Variants in SUPT3H observed in about 807,000 individuals in gnomAD.
SUPT3H encodes the protein transcription initiation protein SPT3 homolog.
A neutral mutation model predicts 44.3 loss-of-function variants in SUPT3H; 44 were observed. The ratio of observed to expected loss-of-function variants is 0.99; its 90% CI spans 0.78 to 1.28. SUPT3H has a LOEUF of 1.28. Among genes scored for constraint, SUPT3H ranks in the 50% most tolerant of loss-of-function variants. The pLI is 0.00. For synonymous variants in SUPT3H, 124 were observed against 125.6 expected, an observed-to-expected ratio of 0.99 and a Z score of 0.09; for missense variants, 380 against 387.1, an observed-to-expected ratio of 0.98 and a Z score of 0.15.
intron 2 of SUPT3H, among the ~76,000 whole-genome samples, chr6:45,184,775 G>GAAAAAAAAAAA (rs55652227): frequency 7.8e-6 from 1 of 128,580 alleles, no homozygotes; most frequent in Non-Finnish European, 1.6e-5. Flanking sequence ...ACAGGCAGAG[G>GAAAAAAAAAAA]AAAAAAAAAA....
At chr6:44,938,525 G>T (rs944547679) in intron 9 of SUPT3H, among the ~76,000 whole-genome samples, 19 of 151,938 alleles carry the variant, frequency 1.3e-4, no homozygotes, top group African/African-American at 4.6e-4. Context: ...CAGCTTTGTT[G>T]TTTTTGCTTA....
At chr6:45,357,941 G>A (rs1467729189) in intron 2 of SUPT3H, among the ~76,000 whole-genome samples, 1 of 151,854 alleles carries the variant, frequency 6.6e-6, no homozygotes, top group African/African-American at 2.4e-5. Flanking sequence ...TTAAGAAACT[G>A]AACACATTTC....
chr6:44,903,413 A>G (rs1765440928), intron 10 of SUPT3H, among the ~76,000 whole-genome samples: 1 of 152,200 alleles, frequency 6.6e-6, no homozygotes, highest in African/African-American at 2.4e-5. Flanking sequence ...CTCTACGCAA[A>G]TAAACTAGAA....
intron 6 of SUPT3H, among the ~76,000 whole-genome samples, chr6:44,992,691 ATTTC>A (rs1172927105): frequency 1.8e-3 from 280 of 152,214 alleles, no homozygotes; most frequent in African/African-American, 6.6e-3. Flanking sequence ...AAACTTTTAA[ATTTC>A]ATCCAAAAAC....
intron 9 of SUPT3H, among the ~76,000 whole-genome samples, chr6:44,951,733 C>T (rs1027096028): frequency 6.6e-6 from 1 of 152,004 alleles, no homozygotes; most frequent in African/African-American, 2.4e-5. Flanking sequence ...CCCTGGAGAA[C>T]CAAGAAAAGA....
intron 2 of SUPT3H, among the ~76,000 whole-genome samples, chr6:45,120,903 G>T (rs1461889730): frequency 5.3e-5 from 8 of 151,982 alleles, no homozygotes; most frequent in Non-Finnish European, 1.2e-4. Flanking sequence ...ATTTCCCAAG[G>T]CTAAAATTTG....
chr6:45,213,328 C>A (rs1472520611), intron 2 of SUPT3H, among the ~76,000 whole-genome samples: 1 of 152,056 alleles, frequency 6.6e-6, no homozygotes, highest in Non-Finnish European at 1.5e-5. Flanking sequence ...AAGTTAATGT[C>A]TTTAGCATAT....
At chr6:44,916,709 A>G (rs1054901941) in intron 10 of SUPT3H, among the ~76,000 whole-genome samples, 4 of 152,200 alleles carry the variant, frequency 2.6e-5, no homozygotes, top group African/African-American at 7.2e-5. Flanking sequence ...TTGGCAAACT[A>G]GCATTGTAAT....
intron 10 of SUPT3H, among the ~76,000 whole-genome samples, chr6:44,833,511 G>GT (rs1035548342): frequency 7.9e-5 from 12 of 151,980 alleles, no homozygotes; most frequent in African/African-American, 2.9e-4. Flanking sequence ...GCAGGCTTTT[G>GT]TTTTTTTGCT....
rs575359112 is a variant in SUPT3H, at chr6:45,113,087, C to T, written c.102-7081G>A. Among the ~76,000 whole-genome samples the T allele has an allele frequency of 2.8e-3, 381 of 135,166 alleles. 1 individual carries two copies. The highest frequency in any genetic ancestry group is 8.4e-3 in the South Asian group (32 of 3,812). The allele number at this position is 135,166 out of a possible 152,430, so 88.7% of individuals were successfully genotyped here. A position where few individuals can be genotyped will look rare whatever the true frequency, so the allele number is the denominator to read the frequency against. On this transcript the variant is annotated intron_variant, in intron 2 of 10. Transcript: ENST00000371459. ...GTTTAAGAAGGCTCTGGGTAACTTG[C>T]TGTCCCCAAAAGAAAGGTTTTTTTT...
At chr6:45,322,822 C>T (rs1204785826) in intron 2 of SUPT3H, 1 of 1,428,950 alleles carries the variant, frequency 7.0e-7, no homozygotes, top group Non-Finnish European at 9.9e-7. Flanking sequence ...GATGCACTTT[C>T]TCCAACCACA....
intron 1 of SUPT3H, among the ~76,000 whole-genome samples, chr6:45,370,917 A>T (rs1274454306): frequency 6.6e-6 from 1 of 150,836 alleles, no homozygotes; most frequent in Non-Finnish European, 1.5e-5. Context: ...AATTGAGTTT[A>T]AAAAAAAAAT....
At chr6:45,215,544 A>T (rs1331916042) in intron 2 of SUPT3H, among the ~76,000 whole-genome samples, 6 of 152,196 alleles carry the variant, frequency 3.9e-5, no homozygotes, top group South Asian at 2.1e-4. Context: ...TGAAATTTTT[A>T]AAAATGTAGT....
chr6:45,156,365 C>T (rs1445716433), intron 2 of SUPT3H, among the ~76,000 whole-genome samples: 1 of 152,114 alleles, frequency 6.6e-6, no homozygotes, highest in Non-Finnish European at 1.5e-5. Flanking sequence ...TGTTTTTTAA[C>T]TAACAAAACT....
intron 6 of SUPT3H, among the ~76,000 whole-genome samples, chr6:44,972,975 C>T (rs1777805683): frequency 1.3e-5 from 2 of 152,206 alleles, no homozygotes; most frequent in Admixed American, 1.3e-4. Flanking sequence ...GCCTTGGAGA[C>T]ATTTTCCCCT....
chr6:44,851,168 T>C (rs940484283), intron 10 of SUPT3H, among the ~76,000 whole-genome samples: 1 of 152,238 alleles, frequency 6.6e-6, no homozygotes, highest in Non-Finnish European at 1.5e-5. Flanking sequence ...ATGGTTTCAA[T>C]AAATTTGAAT....
At chr6:45,123,107 A>C (rs1801906182) in intron 2 of SUPT3H, among the ~76,000 whole-genome samples, 1 of 152,148 alleles carries the variant, frequency 6.6e-6, no homozygotes, top group South Asian at 2.1e-4. Flanking sequence ...TAACCATCTT[A>C]ATTTACATAT....
chr6:44,832,845 T>G (rs1769098612), intron 10 of SUPT3H, among the ~76,000 whole-genome samples: 1 of 152,120 alleles, frequency 6.6e-6, no homozygotes, highest in Non-Finnish European at 1.5e-5. Context: ...TTTCTAAGTG[T>G]GTACTTTTTA....
intron 11 of SUPT3H, among the ~76,000 whole-genome samples, chr6:44,820,134 A>AT (rs1331170489): frequency 2.0e-5 from 3 of 152,078 alleles, no homozygotes; most frequent in Non-Finnish European, 4.4e-5. Context: ...TGGGAGGATC[A>AT]TTTGAGCCCA....
Sources: gnomAD v4.1 joint callset for allele counts (sites outside exome capture counted in the v4.1 genomes callset) on GRCh38, gnomAD v4.1.1 for gene constraint, MANE v1.5 for transcripts, NCBI Gene and HGNC (gene_info 2026-07-23, HGNC 2026-07-21) for gene names.